The following ACSBG1 variants were observed in gnomAD, a reference collection of about 807,000 sequenced individuals.
ACSBG1 encodes the protein acyl-CoA synthetase bubblegum family member 1.
Under a neutral mutation model 80.2 loss-of-function variants are expected in ACSBG1, and 39 were observed. That is an observed-to-expected ratio of 0.49 (90% CI 0.38 to 0.64). The LOEUF is 0.64. ACSBG1 is among the 30% of genes least tolerant of loss of function. ACSBG1 has a pLI of 0.00. For synonymous variants in ACSBG1, 392 were observed against 379.5 expected (o/e 1.03, Z -0.38); for missense variants, 828 against 966.4 (o/e 0.86, Z 1.90).
intron 2 of ACSBG1, among the ~76,000 whole-genome samples, chr15:78,204,390 A>T (rs116912374): frequency 6.6e-6 from 1 of 152,160 alleles, no homozygotes; most frequent in African/African-American, 2.4e-5. Context: ...GTCTCCATCC[A>T]CTGGAGAGAA....
At chr15:78,209,894 G>C (rs2075252451) in intron 1 of ACSBG1, among the ~76,000 whole-genome samples, 3 of 152,270 alleles carry the variant, frequency 2.0e-5, no homozygotes, top group Non-Finnish European at 4.4e-5. Context: ...AAACAAACCT[G>C]TTTTTAAATC....
intron 8 of ACSBG1, 125 bp from the exon 9 acceptor site, chr15:78,181,061 C>T (rs1012032175): frequency 4.9e-5 from 54 of 1,097,594 alleles, no homozygotes; most frequent in Admixed American, 3.4e-4. Context: ...CACACCTGCA[C>T]GCAAGGGTGG....
Position 78,168,284 on chromosome 15 carries a change from T to A in ACSBG1, c.*3160A>T, listed in dbSNP as rs543760282. 2 of 151,712 alleles carry A rather than the reference T, an allele frequency of 1.3e-5. No homozygotes were observed. The highest frequency in any genetic ancestry group is 4.2e-4 in the South Asian group (2 of 4,806). 9.4% of individuals were successfully genotyped at this position (151,712 alleles called of 1,614,324 possible). On this transcript the variant is annotated 3_prime_UTR_variant, in exon 14 of 14. Coordinates refer to ENST00000258873, the MANE Select transcript of ACSBG1 (RefSeq NM_015162.5). ...AAAAAAAAAAAAAGAGTTAATGATT[T>A]AAATATTTCTTTCGTATTTGTGTCC...
rs1363371201 is a variant in ACSBG1, at chr15:78,220,622, TAAG to T, written c.132-12523_132-12521del. On this transcript the variant is annotated intron_variant, in intron 1 of 13. Transcript: ENST00000258873. ...ATAAGGAACTCTTACAACTCAATAA[TAAG>T]AAGACAAATAATCCAGTTAAAACTG... Among the ~76,000 whole-genome samples the T allele has an allele frequency of 2.6e-5, 4 of 152,224 alleles. No homozygotes were observed. In the East Asian group the frequency reaches 5.8e-4, roughly 22 times the overall value.
At chr15:78,229,161 C>T (rs1453984154) in intron 1 of ACSBG1, among the ~76,000 whole-genome samples, 1 of 151,966 alleles carries the variant, frequency 6.6e-6, no homozygotes, top group Non-Finnish European at 1.5e-5. Flanking sequence ...CCCCTGCAAG[C>T]ATGCAAACTC....
chr15:78,222,354 T>C (rs1595904396), intron 1 of ACSBG1, among the ~76,000 whole-genome samples: 1 of 152,156 alleles, frequency 6.6e-6, no homozygotes, highest in African/African-American at 2.4e-5. Flanking sequence ...TTTAAGATAA[T>C]GAAAATATTC....
At chr15:78,231,221 A>G (rs916819395) in intron 1 of ACSBG1, among the ~76,000 whole-genome samples, 12 of 152,118 alleles carry the variant, frequency 7.9e-5, no homozygotes, top group African/African-American at 2.9e-4. Flanking sequence ...CCCAGATTCA[A>G]GCAGTTCTCC....
intron 11 of ACSBG1, chr15:78,174,731 CAA>C: frequency 1.7e-6 from 1 of 581,242 alleles, no homozygotes; most frequent in Non-Finnish European, 3.0e-6. Flanking sequence ...AATGCTCACC[CAA>C]GTTTCCCTCT....
At chr15:78,198,447 A>G (rs1040196714) in intron 2 of ACSBG1, among the ~76,000 whole-genome samples, 2 of 152,100 alleles carry the variant, frequency 1.3e-5, no homozygotes, top group Non-Finnish European at 2.9e-5. Flanking sequence ...CCTGGGTTCA[A>G]GTGATTCTCC....
At chr15:78,217,350 G>C (rs1401774916) in intron 1 of ACSBG1, among the ~76,000 whole-genome samples, 4 of 152,170 alleles carry the variant, frequency 2.6e-5, no homozygotes, top group Non-Finnish European at 4.4e-5. Flanking sequence ...AAATTGACAA[G>C]GTCCTTTGGT....
At chr15:78,229,610 C>T (rs1417946071) in intron 1 of ACSBG1, among the ~76,000 whole-genome samples, 4 of 152,180 alleles carry the variant, frequency 2.6e-5, no homozygotes, top group African/African-American at 9.7e-5. Flanking sequence ...TTTGGGTAGG[C>T]AGCGCCGGGA....
chr15:78,206,126 G>A lies in ACSBG1; in HGVS notation c.232+1876C>T, dbSNP rs117000541. Reference sequence around the variant, plus strand: ...TGATGCCTGCTTAGCACTGCCCTGGGAAGCACCTGGGGTCCCTCGGTGGCC... The same window carrying A: ...TGATGCCTGCTTAGCACTGCCCTGGAAAGCACCTGGGGTCCCTCGGTGGCC... On this transcript the variant is annotated intron_variant, in intron 2 of 13. Coordinates refer to ENST00000258873, the MANE Select transcript of ACSBG1 (RefSeq NM_015162.5). Among the ~76,000 whole-genome samples, 387 of 152,328 alleles carry A rather than the reference G, an allele frequency of 2.5e-3. 2 individuals carry two copies. Among genetic ancestry groups the A allele is most frequent in the African/African-American group, 7.9e-3 (328 of 41,584 alleles).
intron 1 of ACSBG1, among the ~76,000 whole-genome samples, chr15:78,232,284 T>C (rs769057260): frequency 5.4e-4 from 82 of 152,238 alleles, no homozygotes; most frequent in Non-Finnish European, 8.1e-4. Flanking sequence ...CCAAAGTCAC[T>C]CAGCAAGAAA....
chr15:78,207,682 C>T, intron 2 of ACSBG1: 1 of 361,676 alleles, frequency 2.8e-6, no homozygotes, highest in Non-Finnish European at 5.1e-6. Flanking sequence ...CTCAGCAACC[C>T]TTTGCTGGAG....
chr15:78,215,170 T>TGAA (rs2075297420), intron 1 of ACSBG1, among the ~76,000 whole-genome samples: 1 of 152,166 alleles, frequency 6.6e-6, no homozygotes. Context: ...AGACCTCTCC[T>TGAA]TTGTCCTGAA....
intron 2 of ACSBG1, among the ~76,000 whole-genome samples, chr15:78,204,067 T>C (rs2075191972): frequency 6.6e-6 from 1 of 152,150 alleles, no homozygotes; most frequent in Non-Finnish European, 1.5e-5. Flanking sequence ...GTTCAGTAGT[T>C]CCTCTGTGTC....
In ACSBG1 at chr15:78,193,970, C is replaced by A. The variant is rs779049682; in HGVS notation, c.504G>T (p.Pro168=). Residue 168 remains proline, a synonymous_variant, in exon 4 of 14, where the codon CCG becomes CCT. Coordinates refer to ENST00000258873, the MANE Select transcript of ACSBG1 (RefSeq NM_015162.5). ...HSVAILGFNS[P]EWFFSAVGTV... ...TGCCCACTGCCGAGAAGAACCACTC[C>A]GGGGAGTTGAAGCCGAGGATGGCCA... The A allele has an allele frequency of 4.3e-6, 7 of 1,613,916 alleles. No homozygotes were observed. Among genetic ancestry groups the A allele is most frequent in the Non-Finnish European group, 5.9e-6 (7 of 1,180,028 alleles).
In ACSBG1 at chr15:78,168,298, G is replaced by A. The variant is rs1246250071; in HGVS notation, c.*3146C>T. 2 of 151,032 alleles carry A rather than the reference G, an allele frequency of 1.3e-5. No homozygotes were observed. The highest frequency in any genetic ancestry group is 2.9e-5 in the Non-Finnish European group (2 of 67,844). 9.4% of individuals were successfully genotyped at this position (151,032 alleles called of 1,614,324 possible). On this transcript the variant is annotated 3_prime_UTR_variant, in exon 14 of 14. Coordinates refer to ENST00000258873, the MANE Select transcript of ACSBG1 (RefSeq NM_015162.5). ...AGTTAATGATTTAAATATTTCTTTC[G>A]TATTTGTGTCCCAGCCTCCAAAAAT...
chr15:78,215,277 T>C (rs1461618562), intron 1 of ACSBG1, among the ~76,000 whole-genome samples: 1 of 152,128 alleles, frequency 6.6e-6, no homozygotes, highest in African/African-American at 2.4e-5. Flanking sequence ...ATACTTGACG[T>C]TGGTAGAGAA....
Sources: gnomAD v4.1 joint callset for allele counts (sites outside exome capture counted in the v4.1 genomes callset) on GRCh38, gnomAD v4.1.1 for gene constraint, MANE v1.5 for transcripts, NCBI Gene and HGNC (gene_info 2026-07-23, HGNC 2026-07-21) for gene names.